The following CENPE variants were observed in gnomAD, a reference collection of about 807,000 sequenced individuals.
CENPE encodes centromere protein E.
Under a neutral mutation model 336.1 loss-of-function variants are expected in CENPE, and 145 were observed. That is an observed-to-expected ratio of 0.43 (90% confidence interval 0.38 to 0.50). The LOEUF is 0.50. Ranked by LOEUF, CENPE falls within the 20% of genes least tolerant of loss-of-function variation. CENPE has a pLI of 0.00. For missense variants in CENPE, 2,719 were observed against 3,023.3 expected (o/e 0.90, Z 2.36); for synonymous variants, 1,013 against 984.8 (o/e 1.03, Z -0.54).
Position 103,151,360 on chromosome 4 carries a change from T to G in CENPE, c.3255A>C (p.Glu1085Asp). Residue 1085 changes from glutamate to aspartate, a missense_variant, in exon 26 of 49, where the codon GAA becomes GAC. Glu to Asp is a conservative substitution (Grantham distance 45). This residue lies in a region of CENPE where 2,437 missense variants were observed against 2,513.3 expected (regional missense o/e 0.97). Coordinates refer to ENST00000265148, the MANE Select transcript of CENPE (RefSeq NM_001813.3). ...ENIEMTIENQ[E>D]ELRLLGDELK... ...GTTCATCCCCAAGAAGTCTTAATTC[T>G]TCCTGGTTTTCAATGGTCTAGAAAG... 1 of 1,580,056 alleles carries G rather than the reference T, an allele frequency of 6.3e-7. No homozygotes were observed. The highest frequency in any genetic ancestry group is 8.5e-7 in the Non-Finnish European group (1 of 1,171,996).
intron 46 of CENPE, 111 bp downstream of exon 46, chr4:103,114,344 C>A (rs1226429830): frequency 1.6e-6 from 1 of 606,228 alleles, no homozygotes; most frequent in Non-Finnish European, 2.9e-6. Context: ...AGATTAGTGG[C>A]CAACTTCTGT....
chr4:103,186,687 A>C (rs1303270362), intron 8 of CENPE, among the ~76,000 whole-genome samples: 16 of 152,198 alleles, frequency 1.1e-4, no homozygotes, highest in African/African-American at 2.9e-4. Flanking sequence ...GGCTGGTAAG[A>C]AGAGATAAAA....
At chr4:103,160,815 G>T (rs1312296294) in intron 20 of CENPE, 36 bp from the exon 21 acceptor site, 6 of 1,506,902 alleles carry the variant, frequency 4.0e-6, no homozygotes, top group Non-Finnish European at 5.4e-6. Flanking sequence ...AAGATCCAAT[G>T]TTGCCAAACA....
chr4:103,134,507 G>A (rs914574250), intron 40 of CENPE, among the ~76,000 whole-genome samples: 30 of 151,780 alleles, frequency 2.0e-4, no homozygotes, highest in African/African-American at 3.1e-4. Flanking sequence ...GGTGGCAGGC[G>A]CCTGTAGTCC....
chr4:103,172,633 T>C (rs1755506806), intron 16 of CENPE, among the ~76,000 whole-genome samples: 1 of 151,806 alleles, frequency 6.6e-6, no homozygotes, highest in Non-Finnish European at 1.5e-5. Context: ...TAAAACATAA[T>C]AGGAAAGGAG....
At chr4:103,117,821 G>A (rs905314859) in intron 44 of CENPE, among the ~76,000 whole-genome samples, 24 of 151,870 alleles carry the variant, frequency 1.6e-4, no homozygotes, top group African/African-American at 5.1e-4. Flanking sequence ...TAAAGACAGT[G>A]TTTGCCATGT....
At chr4:103,160,235 A>C (rs770632767) in intron 21 of CENPE, among the ~76,000 whole-genome samples, 3 of 151,926 alleles carry the variant, frequency 2.0e-5, no homozygotes, top group Non-Finnish European at 4.4e-5. Flanking sequence ...TTAACCTCTA[A>C]AACTTTATCA....
chr4:103,173,706 C>G (rs1413083989), intron 16 of CENPE, among the ~76,000 whole-genome samples: 1 of 127,552 alleles, frequency 7.8e-6, no homozygotes, highest in African/African-American at 2.6e-5. Flanking sequence ...CCCCAAACAA[C>G]CCAATTAAAA....
intron 8 of CENPE, among the ~76,000 whole-genome samples, chr4:103,193,098 AGAGT>A: frequency 6.6e-6 from 1 of 152,224 alleles, no homozygotes; most frequent in African/African-American, 2.4e-5. Context: ...GAAGATTCTT[AGAGT>A]AAGTGGGTAG....
intron 38 of CENPE, among the ~76,000 whole-genome samples, chr4:103,139,584 A>T (rs2125914444): frequency 1.3e-5 from 2 of 152,334 alleles, no homozygotes; most frequent in South Asian, 4.1e-4. Context: ...GTTTATAAAA[A>T]TAAAGAATTA....
intron 16 of CENPE, among the ~76,000 whole-genome samples, chr4:103,165,783 A>C (rs1049182609): frequency 6.6e-6 from 1 of 151,990 alleles, no homozygotes; most frequent in Admixed American, 6.6e-5. Flanking sequence ...CAGGAATGTG[A>C]GACTAGCCTG....
intron 8 of CENPE, among the ~76,000 whole-genome samples, chr4:103,186,600 G>A (rs1259777206): frequency 6.6e-6 from 1 of 152,178 alleles, no homozygotes; most frequent in Non-Finnish European, 1.5e-5. Context: ...TATGCTCCAG[G>A]AAGTACATCA....
chr4:103,116,816 T>C (rs1029868620), intron 44 of CENPE, 127 bp from the exon 45 acceptor site: 2 of 507,492 alleles, frequency 3.9e-6, no homozygotes, highest in Non-Finnish European at 7.0e-6. Context: ...TCCAAATATA[T>C]GAAAAAGCAT....
intron 21 of CENPE, among the ~76,000 whole-genome samples, chr4:103,160,333 C>T (rs1032557692): frequency 2.6e-5 from 4 of 151,722 alleles, no homozygotes; most frequent in Non-Finnish European, 4.4e-5. Flanking sequence ...TAAGGGTGGG[C>T]CGTAATACTG....
At position 103,149,126 on chromosome 4, in the gene CENPE, C is replaced by G; in HGVS notation, c.3679G>C (p.Glu1227Gln). The change falls in exon 27 of 49, where the codon GAA becomes CAA. Residue 1227 changes from glutamate to glutamine, a missense_variant. This residue lies in a region of CENPE where 2,437 missense variants were observed against 2,513.3 expected (regional missense o/e 0.97). Transcript: ENST00000265148. ...DHLRGYIREIEATGLQTKEEL... is the reference protein window; with the variant it reads ...DHLRGYIREIQATGLQTKEEL... ...AAAAGGGTATAACTTACTGTAGCTT[C>G]AATTTCTCTTATATATCCTCTAAGG... is the stretch of plus-strand genomic sequence containing the variant. 4 of 1,586,340 alleles carry G rather than the reference C, an allele frequency of 2.5e-6. No homozygotes were observed. Among genetic ancestry groups the G allele is most frequent in the Non-Finnish European group, 3.4e-6 (4 of 1,173,104 alleles).
intron 44 of CENPE, among the ~76,000 whole-genome samples, chr4:103,117,041 G>A (rs1750191595): frequency 6.6e-6 from 1 of 152,062 alleles, no homozygotes; most frequent in South Asian, 2.1e-4. Flanking sequence ...ATCAGAAAAT[G>A]AAACAAAAAG....
intron 33 of CENPE, 69 bp downstream of exon 33, chr4:103,144,262 C>T: frequency 2.9e-6 from 4 of 1,390,518 alleles, no homozygotes; most frequent in Non-Finnish European, 3.9e-6. Flanking sequence ...TCCCACCAAC[C>T]CTATGGCAGA....
chr4:103,115,932 C>A (rs1750065494), intron 45 of CENPE, among the ~76,000 whole-genome samples: 1 of 151,840 alleles, frequency 6.6e-6, no homozygotes, highest in African/African-American at 2.4e-5. Context: ...GGGGTTTCAC[C>A]GTGTTAGCCA....
intron 46 of CENPE, 44 bp downstream of exon 46, chr4:103,114,411 G>A: frequency 8.6e-7 from 1 of 1,169,242 alleles, no homozygotes; most frequent in Non-Finnish European, 1.3e-6. Context: ...GTTGTGTGTT[G>A]AGAAGTAAAA....
Sources: gnomAD v4.1 joint callset for allele counts (sites outside exome capture counted in the v4.1 genomes callset) on GRCh38, gnomAD v4.1.1 for gene constraint, gnomAD v4.1.1 regional missense constraint, MANE v1.5 for transcripts, NCBI Gene and HGNC (gene_info 2026-07-23, HGNC 2026-07-21) for gene names.